Variants in CCR6 observed in about 807,000 individuals in gnomAD.
CCR6 encodes the protein C-C motif chemokine receptor 6.
CCR6 carries 2 observed loss-of-function variants against 3.0 expected under a neutral mutation model. That is an observed-to-expected ratio of 0.66 (90% CI 0.27 to 2.07). The LOEUF (loss-of-function observed/expected upper bound fraction) is 2.07. Ranked by LOEUF, CCR6 falls within the 30% of genes most tolerant of loss-of-function variation. The probability of loss-of-function intolerance (pLI) is 0.14; values close to 1 mark genes in which losing one functional copy is unlikely to be tolerated. For synonymous variants in CCR6, 193 were observed against 184.3 expected (o/e 1.05, Z -0.38); for missense variants, 322 against 462.8 (o/e 0.70, Z 2.79).
chr6:167,130,932 A>C (rs41351044), intron 1 of CCR6, among the ~76,000 whole-genome samples: 3 of 114,870 alleles, frequency 2.6e-5, no homozygotes, highest in South Asian at 2.9e-4. Context: ...CAGGGACCCC[A>C]CCCTCTGGGC....
upstream of CCR6, among the ~76,000 whole-genome samples, chr6:167,118,462 T>C (rs950964920): frequency 2.6e-5 from 4 of 152,222 alleles, no homozygotes; most frequent in Non-Finnish European, 5.9e-5. Flanking sequence ...ACATCCATTT[T>C]CTTCCCTCTT....
chr6:167,117,707 G>T (rs187025799), intron 1 of CCR6, among the ~76,000 whole-genome samples: 3 of 151,908 alleles, frequency 2.0e-5, no homozygotes, highest in Non-Finnish European at 4.4e-5. Flanking sequence ...GAGCCACCGC[G>T]CCCGGCCTCT....
intron 1 of CCR6, among the ~76,000 whole-genome samples, chr6:167,113,552 T>C (rs991972922): frequency 2.0e-5 from 3 of 152,146 alleles, no homozygotes; most frequent in Non-Finnish European, 4.4e-5. Flanking sequence ...CTGCTGCAGA[T>C]GAGAAAGCAC....
rs1437891185 is a variant in CCR6 at position 167,137,403 on chromosome 6, G to A, written c.*48G>A. 6 of 1,526,948 alleles carry A rather than the reference G, an allele frequency of 3.9e-6. No individual in the cohort carries two copies. Among genetic ancestry groups the A allele is most frequent in the East Asian group, 2.3e-5 (1 of 44,292 alleles). The allele number at this position is 1,526,948 out of a possible 1,614,324, so 94.6% of individuals were successfully genotyped here. A position where few individuals can be genotyped will look rare whatever the true frequency, so the allele number is the denominator to read the frequency against. The stretch of plus-strand genomic sequence containing the variant: ...GCATGTGTGAAACATACTCATAGAT[G>A]TTATGCAAAAAAAAGTCTATGGCCA... On this transcript the variant is annotated 3_prime_UTR_variant, in exon 3 of 3. Coordinates refer to ENST00000341935, the MANE Select transcript of CCR6 (RefSeq NM_031409.4). The surrounding 1 kb of genome is among the most constrained non-coding windows in gnomAD (Gnocchi z 4.6).
intron 1 of CCR6, among the ~76,000 whole-genome samples, chr6:167,112,564 T>C (rs1582987595): frequency 6.6e-6 from 1 of 152,136 alleles, no homozygotes; most frequent in Non-Finnish European, 1.5e-5. Context: ...AAATGGAACA[T>C]GTCTCCCAAA....
chr6:167,122,222 G>T (rs1781600241), upstream of CCR6, among the ~76,000 whole-genome samples: 1 of 152,202 alleles, frequency 6.6e-6, no homozygotes, highest in Non-Finnish European at 1.5e-5. The surrounding 1 kb of genome is among the most constrained non-coding windows in gnomAD (Gnocchi z 4.2). Context: ...CATCAGGCTG[G>T]CTGAGAATTG....
At chr6:167,130,990 C>G (rs5014887) in intron 1 of CCR6, among the ~76,000 whole-genome samples, 2 of 109,274 alleles carry the variant, frequency 1.8e-5, no homozygotes, top group Middle Eastern at 4.2e-3. Context: ...TCCCTCTGGA[C>G]CCCCTCCCTT....
Position 167,136,095 on chromosome 6 carries a change from C to A in CCR6, c.-40C>A, listed in dbSNP as rs772494614. The A allele has an allele frequency of 9.3e-6, 15 of 1,611,688 alleles. No homozygotes were observed. Among genetic ancestry groups the A allele is most frequent in the Non-Finnish European group, 1.1e-5 (13 of 1,179,146 alleles). ...TGAGCTGAAGGGGCTGAACCATACA[C>A]TCCTTTTTCTACAACCAGCTTGCAT... On this transcript the variant is annotated 5_prime_UTR_variant, in exon 2 of 3. Transcript: ENST00000341935. This position sits in a 1 kb window ranked among gnomAD's most constrained non-coding sequence, Gnocchi z 4.6.
chr6:167,133,932 G>GTGTGTGTATA lies in CCR6; in HGVS notation c.-97-2105_-97-2104insGTGTGTATAT, dbSNP rs1183741225. 4.6e-4 allele frequency among the ~76,000 whole-genome samples: 51 copies of GTGTGTGTATA among 110,390 alleles called. 2 individuals are homozygous for GTGTGTGTATA. The highest frequency in any genetic ancestry group is 6.2e-4 in the Non-Finnish European group (36 of 57,668). 72.4% of individuals were successfully genotyped at this position (110,390 alleles called of 152,430 possible). On this transcript the variant is annotated intron_variant, in intron 1 of 2. Transcript: ENST00000341935. Reference sequence around the variant, plus strand: ...ATACTATTATATATGATATATGTGTGTATATATATATATATATATATATAT... The same window carrying GTGTGTGTATA: ...ATACTATTATATATGATATATGTGTGTGTGTGTATATATATATATATATATATATATATAT...
intron 1 of CCR6, chr6:167,126,608 C>T (rs1237690144): frequency 6.6e-6 from 1 of 152,358 alleles, no homozygotes; most frequent in Non-Finnish European, 1.5e-5. Context: ...GCTGTTGCCT[C>T]GAATAGGGAT....
At chr6:167,122,740 G>A (rs954188843), upstream of CCR6, 1 of 152,328 alleles carries the variant, frequency 6.6e-6, no homozygotes, top group Non-Finnish European at 1.5e-5. The surrounding 1 kb of genome is among the most constrained non-coding windows in gnomAD (Gnocchi z 4.2). Flanking sequence ...AAGTGCTCCC[G>A]GCCCATGTCT....
rs1562559663 is a variant in CCR6, at chr6:167,130,989, A to ACCTCTCCCTCTGGGC, written c.-97-5047_-97-5046insTCTCCCTCTGGGCCC. Among the ~76,000 whole-genome samples the ACCTCTCCCTCTGGGC allele has an allele frequency of 3.3e-5, 4 of 121,318 alleles. 1 individual carries two copies. The highest frequency in any genetic ancestry group is 1.5e-4 in the African/African-American group (4 of 26,956). The allele number at this position is 121,318 out of a possible 152,430, so 79.6% of individuals were successfully genotyped here. A position where few individuals can be genotyped will look rare whatever the true frequency, so the allele number is the denominator to read the frequency against. On this transcript the variant is annotated intron_variant, in intron 1 of 2. Transcript: ENST00000341935. ...CCCTCTGGGACCACCCTCCCTCTGG[A>ACCTCTCCCTCTGGGC]CCCCCTCCCTTTGGGACCCCTCCTT...
At position 167,137,453 on chromosome 6, in the gene CCR6, T is replaced by G. The variant is rs958228368; in HGVS notation, c.*98T>G. 1 of 1,226,894 alleles carries G rather than the reference T, an allele frequency of 8.2e-7. No individual in the cohort carries two copies. The highest frequency in any genetic ancestry group is 1.5e-5 in the African/African-American group (1 of 65,844). 76.0% of individuals were successfully genotyped at this position (1,226,894 alleles called of 1,614,324 possible). On this transcript the variant is annotated 3_prime_UTR_variant, in exon 3 of 3. Coordinates refer to ENST00000341935, the MANE Select transcript of CCR6 (RefSeq NM_031409.4). This position sits in a 1 kb window ranked among gnomAD's most constrained non-coding sequence, Gnocchi z 4.6. ...AGGTATGCATGGAAAATGTGGGAATTAAGCAAAATCAAGCAAGCCTCTCTC... is the reference window on the plus strand; with the variant it reads ...AGGTATGCATGGAAAATGTGGGAATGAAGCAAAATCAAGCAAGCCTCTCTC...
At chr6:167,128,776 G>A (rs1468211323) in intron 1 of CCR6, among the ~76,000 whole-genome samples, 1 of 152,168 alleles carries the variant, frequency 6.6e-6, no homozygotes, top group Admixed American at 6.5e-5. Context: ...GTTTCACCAT[G>A]TTGGCCATGC....
At chr6:167,135,447 G>C (rs773186909) in intron 1 of CCR6, among the ~76,000 whole-genome samples, 24 of 152,244 alleles carry the variant, frequency 1.6e-4, no homozygotes, top group Non-Finnish European at 3.1e-4. Flanking sequence ...GGCTGGAGCA[G>C]CTTGTTCAGT....
chr6:167,131,558 C>G (rs549746113), intron 1 of CCR6: 2 of 152,902 alleles, frequency 1.3e-5, no homozygotes, highest in Non-Finnish European at 2.9e-5. Context: ...AGCGACCGCT[C>G]CCCACAGCCC....
chr6:167,128,138 G>A (rs1192439009), intron 1 of CCR6, among the ~76,000 whole-genome samples: 1 of 152,222 alleles, frequency 6.6e-6, no homozygotes, highest in African/African-American at 2.4e-5. Context: ...GGTCCAACTA[G>A]ATAATCCAGC....
intron 1 of CCR6, among the ~76,000 whole-genome samples, chr6:167,127,764 G>C (rs1170855557): frequency 6.6e-6 from 1 of 152,130 alleles, no homozygotes; most frequent in Non-Finnish European, 1.5e-5. Flanking sequence ...GCCTCCCAAG[G>C]TTCTGCGATT....
intron 1 of CCR6, among the ~76,000 whole-genome samples, chr6:167,125,576 A>G (rs1013946465): frequency 6.6e-6 from 1 of 152,208 alleles, no homozygotes; most frequent in Non-Finnish European, 1.5e-5. Flanking sequence ...GTCCAAAAAC[A>G]TGGTTTTCTC....
Sources: gnomAD v4.1 joint callset for allele counts (sites outside exome capture counted in the v4.1 genomes callset) on GRCh38, gnomAD v4.1.1 for gene constraint, Gnocchi (gnomAD v3.1) non-coding constraint, MANE v1.5 for transcripts, NCBI Gene and HGNC (gene_info 2026-07-23, HGNC 2026-07-21) for gene names.